Variants in SIPA1L1 observed in about 807,000 individuals in gnomAD.
SIPA1L1 encodes the protein signal induced proliferation associated 1 like 1.
In SIPA1L1, 26 loss-of-function variants were observed where a neutral mutation model predicts 162.7. That is an observed-to-expected ratio of 0.16 (90% confidence interval 0.12 to 0.22). The LOEUF (loss-of-function observed/expected upper bound fraction) is 0.22, where lower values mean the gene tolerates loss of function less well. Ranked by LOEUF, SIPA1L1 falls within the 10% of genes least tolerant of loss-of-function variation. SIPA1L1 has a pLI of 1.00. For missense variants in SIPA1L1, 1,874 were observed against 2,241.0 expected (o/e 0.84, Z 3.31); for synonymous variants, 829 against 837.4 (o/e 0.99, Z 0.17).
intron 7 of SIPA1L1, among the ~76,000 whole-genome samples, chr14:71,645,957 T>G (rs138526537): frequency 1.3e-5 from 2 of 152,186 alleles, no homozygotes; most frequent in African/African-American, 2.4e-5. Context: ...TTCATAAGAA[T>G]GTAAGAATTG....
chr14:71,658,178 A>G (rs2043219683), intron 8 of SIPA1L1, among the ~76,000 whole-genome samples, 155 bp from the exon 9 acceptor site: 1 of 152,126 alleles, frequency 6.6e-6, no homozygotes, highest in Non-Finnish European at 1.5e-5. Context: ...AGAGGATCAA[A>G]TACAAAAAAA....
Position 71,680,827 on chromosome 14 carries a change from A to G in SIPA1L1, c.3105-4535A>G, listed in dbSNP as rs2045731990. Reference sequence around the variant, plus strand: ...TACGCAAATAAACTAGAAAATCTAGAGGGCCTCGGGTCTTTATAGCCACAG... The same window carrying G: ...TACGCAAATAAACTAGAAAATCTAGGGGGCCTCGGGTCTTTATAGCCACAG... On this transcript the variant is annotated intron_variant, in intron 12 of 23. Transcript: ENST00000381232. 2.6e-5 allele frequency among the ~76,000 whole-genome samples: 4 copies of G among 152,234 alleles called. No individual in the cohort carries two copies. The South Asian group carries it at 8.3e-4, about 31-fold the overall frequency.
intron 4 of SIPA1L1, among the ~76,000 whole-genome samples, chr14:71,577,244 C>T (rs569756707): frequency 2.3e-4 from 35 of 152,180 alleles, no homozygotes; most frequent in East Asian, 9.7e-4. Flanking sequence ...TTCATGCCTG[C>T]GCTGGACTGC....
At chr14:71,396,036 G>A (rs1462442198) in intron 2 of SIPA1L1, among the ~76,000 whole-genome samples, 1 of 152,060 alleles carries the variant, frequency 6.6e-6, no homozygotes, top group Non-Finnish European at 1.5e-5. Flanking sequence ...CCTTAGAGAA[G>A]GGAACATAGT....
intron 1 of SIPA1L1, 62 bp downstream of exon 1, chr14:71,320,565 GAGGCCGCCCCCGC>G (rs1341279244): frequency 6.6e-6 from 1 of 152,582 alleles, no homozygotes; most frequent in Non-Finnish European, 1.5e-5. Context: ...CTGGGCCCCA[GAGGCCGCCCCCGC>G]AGCCACTCCA....
At chr14:71,656,336 A>T (rs921671387) in intron 8 of SIPA1L1, among the ~76,000 whole-genome samples, 18 of 150,946 alleles carry the variant, frequency 1.2e-4, no homozygotes, top group Non-Finnish European at 2.2e-4. Context: ...TACCAATGAC[A>T]TTTTTTTTTT....
intron 2 of SIPA1L1, among the ~76,000 whole-genome samples, chr14:71,395,958 C>T (rs1262668431): frequency 2.6e-5 from 4 of 152,172 alleles, no homozygotes; most frequent in African/African-American, 9.7e-5. Context: ...AAGTCTGAAA[C>T]TTGGCTTCCC....
chr14:71,708,184 T>G (rs1349638807), intron 16 of SIPA1L1, among the ~76,000 whole-genome samples: 1 of 151,910 alleles, frequency 6.6e-6, no homozygotes, highest in Non-Finnish European at 1.5e-5. Context: ...AAGAAACCAT[T>G]TTATAACTGG....
At chr14:71,629,006 C>T (rs983847051) in intron 7 of SIPA1L1, among the ~76,000 whole-genome samples, 4 of 152,096 alleles carry the variant, frequency 2.6e-5, no homozygotes, top group Non-Finnish European at 5.9e-5. Flanking sequence ...GGTGCGATCT[C>T]GGCTCACTGC....
intron 2 of SIPA1L1, among the ~76,000 whole-genome samples, chr14:71,355,939 A>G (rs1420626824): frequency 2.6e-5 from 4 of 152,196 alleles, no homozygotes; most frequent in African/African-American, 9.7e-5. Flanking sequence ...CAAGTGATTT[A>G]TTAAGGGTGA....
intron 5 of SIPA1L1, among the ~76,000 whole-genome samples, chr14:71,606,115 G>A (rs2037465208): frequency 6.6e-6 from 1 of 152,218 alleles, no homozygotes; most frequent in African/African-American, 2.4e-5. Context: ...GATTGCTCAG[G>A]TGGGGATGGC....
At chr14:71,715,443 C>T (rs2083196993) in intron 17 of SIPA1L1, among the ~76,000 whole-genome samples, 1 of 152,214 alleles carries the variant, frequency 6.6e-6, no homozygotes, top group African/African-American at 2.4e-5. Context: ...TGCATTTCAG[C>T]AGTCAGCTTG....
chr14:71,585,294 T>C (rs996493276), intron 4 of SIPA1L1, among the ~76,000 whole-genome samples: 2 of 152,138 alleles, frequency 1.3e-5, no homozygotes, highest in African/African-American at 4.8e-5. Flanking sequence ...AAAACGTGGC[T>C]TCTCTCTCTC....
intron 17 of SIPA1L1, among the ~76,000 whole-genome samples, chr14:71,719,076 C>T (rs985210776): frequency 6.6e-6 from 1 of 151,992 alleles, no homozygotes; most frequent in Non-Finnish European, 1.5e-5. Context: ...GTAGCTGGGT[C>T]TACAGGCACA....
intron 2 of SIPA1L1, among the ~76,000 whole-genome samples, chr14:71,493,921 G>C (rs138706187): frequency 5.3e-5 from 8 of 152,138 alleles, no homozygotes; most frequent in Non-Finnish European, 8.8e-5. Flanking sequence ...GATGATGTGG[G>C]CAGGCCAGCC....
intron 2 of SIPA1L1, among the ~76,000 whole-genome samples, chr14:71,471,089 C>G (rs2047416878): frequency 6.6e-6 from 1 of 152,176 alleles, no homozygotes; most frequent in Non-Finnish European, 1.5e-5. Context: ...TGTGATCCAC[C>G]CACCTGGGTC....
intron 3 of SIPA1L1, among the ~76,000 whole-genome samples, chr14:71,518,023 C>T (rs1310862401): frequency 6.6e-6 from 1 of 152,142 alleles, no homozygotes; most frequent in Non-Finnish European, 1.5e-5. Context: ...GTGGCTCACA[C>T]CTGTAATCCT....
chr14:71,694,996 C>T (rs1309056259), intron 13 of SIPA1L1, among the ~76,000 whole-genome samples: 1 of 152,192 alleles, frequency 6.6e-6, no homozygotes, highest in Non-Finnish European at 1.5e-5. Context: ...TGAAGCACCT[C>T]TTCAAAGTGG....
intron 17 of SIPA1L1, among the ~76,000 whole-genome samples, chr14:71,712,041 T>C (rs183801474): frequency 9.8e-5 from 15 of 152,320 alleles, no homozygotes; most frequent in Admixed American, 9.1e-4. Flanking sequence ...AGCCACCAAA[T>C]GCACATTGCT....
Sources: allele counts gnomAD v4.1 joint callset (sites outside exome capture counted in the v4.1 genomes callset), GRCh38; gene constraint gnomAD v4.1.1; transcripts MANE v1.5; gene names NCBI Gene and HGNC (gene_info 2026-07-23, HGNC 2026-07-21).